The following MTUS2 variants were observed in gnomAD, a reference collection of about 807,000 sequenced individuals.
The protein encoded by MTUS2 is microtubule associated scaffold protein 2.
MTUS2 carries 40 observed loss-of-function variants against 114.1 expected under a neutral mutation model. That is an observed-to-expected ratio of 0.35 (90% CI 0.27 to 0.46). MTUS2 has a LOEUF of 0.46. MTUS2 is among the 20% of genes least tolerant of loss of function. The probability of loss-of-function intolerance (pLI) is 1.00; values close to 1 mark genes in which losing one functional copy is unlikely to be tolerated. For missense variants in MTUS2, 1,679 were observed against 1,705.4 expected (o/e 0.98, Z 0.27); for synonymous variants, 688 against 672.0 (o/e 1.02, Z -0.37).
chr13:29,442,547 G>C (rs551297480), intron 9 of MTUS2, among the ~76,000 whole-genome samples: 1 of 152,252 alleles, frequency 6.6e-6, no homozygotes, highest in South Asian at 2.1e-4. Flanking sequence ...CAAAACCTCA[G>C]CTTTGCAAAG....
intron 9 of MTUS2, among the ~76,000 whole-genome samples, chr13:29,475,350 T>C (rs1020410885): frequency 2.0e-5 from 3 of 152,214 alleles, no homozygotes; most frequent in African/African-American, 7.2e-5. Flanking sequence ...ATAAATGACT[T>C]TGTTACTGGT....
chr13:29,428,134 G>T (rs1461904229), intron 8 of MTUS2, among the ~76,000 whole-genome samples: 1 of 152,190 alleles, frequency 6.6e-6, no homozygotes, highest in African/African-American at 2.4e-5. Flanking sequence ...TAAATATGAA[G>T]ATTTCATCAA....
At chr13:29,250,213 A>G (rs1897074856) in intron 5 of MTUS2, among the ~76,000 whole-genome samples, 1 of 152,118 alleles carries the variant, frequency 6.6e-6, no homozygotes, top group East Asian at 1.9e-4. Flanking sequence ...TCAAGTTGAA[A>G]TATTTTGATT....
At chr13:29,040,143 C>G (rs1220399264) in intron 4 of MTUS2, among the ~76,000 whole-genome samples, 1 of 152,178 alleles carries the variant, frequency 6.6e-6, no homozygotes, top group African/African-American at 2.4e-5. Context: ...CCCAAGTCCC[C>G]AAAGTCCATT....
intron 4 of MTUS2, among the ~76,000 whole-genome samples, chr13:29,075,296 C>T (rs530383142): frequency 9.4e-5 from 11 of 116,560 alleles, no homozygotes; most frequent in Admixed American, 3.5e-4. Context: ...CACGTTGGTA[C>T]GGCTAAGTTG....
At chr13:29,087,628 G>A (rs1339309932) in intron 4 of MTUS2, among the ~76,000 whole-genome samples, 1 of 152,166 alleles carries the variant, frequency 6.6e-6, no homozygotes, top group Admixed American at 6.5e-5. Context: ...CTAATTCTGT[G>A]AAAAATGGCA....
At chr13:28,955,085 T>C (rs1295671666) in intron 2 of MTUS2, among the ~76,000 whole-genome samples, 1 of 152,176 alleles carries the variant, frequency 6.6e-6, no homozygotes. Context: ...TTATGTTTAT[T>C]GGCAGAGCTG....
rs182332965 is a variant in MTUS2 at position 29,040,305 on chromosome 13, T to C, written c.2446+6180T>C. 1.1e-3 allele frequency among the ~76,000 whole-genome samples: 173 copies of C among 152,384 alleles called. 1 individual carries two copies. The highest frequency in any genetic ancestry group is 3.8e-3 in the African/African-American group (156 of 41,594). ...GCTGCGAATGCCATTATTTCATTCC[T>C]TTTTAAGGCTCATTAGTATTTCATA... On this transcript the variant is annotated intron_variant, in intron 4 of 15. Transcript: ENST00000612955.
At chr13:29,433,170 T>C (rs1043365255) in intron 8 of MTUS2, among the ~76,000 whole-genome samples, 1 of 152,226 alleles carries the variant, frequency 6.6e-6, no homozygotes, top group African/African-American at 2.4e-5. Flanking sequence ...TGATGTGATA[T>C]TCCCTTATTA....
At chr13:29,010,952 C>T (rs543782418) in intron 2 of MTUS2, among the ~76,000 whole-genome samples, 3 of 152,198 alleles carry the variant, frequency 2.0e-5, no homozygotes, top group Non-Finnish European at 4.4e-5. Context: ...CAGGAGCCTC[C>T]CTGGAAGCTG....
At position 29,340,216 on chromosome 13, in the gene MTUS2, C is replaced by A. The variant is rs1419189851; in HGVS notation, c.2905+15505C>A. Among the ~76,000 whole-genome samples the A allele has an allele frequency of 2.0e-5, 3 of 152,302 alleles. No homozygotes were observed. In the East Asian group the frequency reaches 5.8e-4, roughly 29 times the overall value. ...GGGGACGAGGGAAGCTCAAGCCTCCCTCCTTCCCACTGATGGTCCCAGTCA... is the reference window on the plus strand; with the variant it reads ...GGGGACGAGGGAAGCTCAAGCCTCCATCCTTCCCACTGATGGTCCCAGTCA... On this transcript the variant is annotated intron_variant, in intron 7 of 15. Coordinates refer to ENST00000612955, the MANE Select transcript of MTUS2 (RefSeq NM_001033602.4).
intron 2 of MTUS2, among the ~76,000 whole-genome samples, chr13:28,985,569 T>C (rs1288250964): frequency 6.6e-6 from 1 of 152,158 alleles, no homozygotes; most frequent in East Asian, 1.9e-4. Flanking sequence ...TCTTTTTTTT[T>C]TTTTTTTAAA....
intron 2 of MTUS2, among the ~76,000 whole-genome samples, chr13:28,855,594 G>A (rs780774975): frequency 2.6e-5 from 4 of 152,148 alleles, no homozygotes; most frequent in Non-Finnish European, 5.9e-5. Context: ...TCCCTGCAAA[G>A]GACATGATCT....
At chr13:28,998,373 A>T (rs1449721853) in intron 2 of MTUS2, among the ~76,000 whole-genome samples, 1 of 152,036 alleles carries the variant, frequency 6.6e-6, no homozygotes, top group East Asian at 1.9e-4. Context: ...TGTGCCTTGG[A>T]GTTGCTCTTC....
rs1272724442 is a variant in MTUS2 at position 29,503,259 on chromosome 13, C to T, written c.*53C>T. The T allele has an allele frequency of 3.8e-6, 6 of 1,596,878 alleles. No homozygotes were observed. The highest frequency in any genetic ancestry group is 4.5e-5 in the East Asian group (2 of 44,596). On this transcript the variant is annotated 3_prime_UTR_variant, in exon 16 of 16. Transcript: ENST00000612955. ...GGCTTCTCGTCCTCCGGTCTCCACC[C>T]TGAGGGAGCACCGACCCGGTGCCGC...
At chr13:28,980,176 T>C (rs113535165) in intron 2 of MTUS2, among the ~76,000 whole-genome samples, 1,888 of 152,362 alleles carry the variant, frequency 0.012, 34 homozygotes, top group African/African-American at 0.043. Context: ...ATTTTGTGAA[T>C]ATCGAAAATA....
At position 29,148,547 on chromosome 13, in the gene MTUS2, C is replaced by T. The variant is rs1373163115; in HGVS notation, c.2644+47577C>T. On this transcript the variant is annotated intron_variant, in intron 5 of 15. Coordinates refer to ENST00000612955, the MANE Select transcript of MTUS2 (RefSeq NM_001033602.4). ...AGGCTGGAGTGCAGTGGTGGGACCT[C>T]GGCTCACTGCAAGCTCCGCCTCCCG... 2.7e-5 allele frequency among the ~76,000 whole-genome samples: 3 copies of T among 109,850 alleles called. 1 individual carries two copies. The highest frequency in any genetic ancestry group is 6.2e-5 in the Non-Finnish European group (3 of 48,300). The allele number at this position is 109,850 out of a possible 152,430, so 72.1% of individuals were successfully genotyped here.
chr13:29,438,979 A>C (rs1444372732), intron 8 of MTUS2, among the ~76,000 whole-genome samples: 1 of 152,182 alleles, frequency 6.6e-6, no homozygotes, highest in Non-Finnish European at 1.5e-5. Flanking sequence ...CACGTCCTTC[A>C]GAGGTGCTGA....
At chr13:28,939,122 A>G (rs910905482) in intron 2 of MTUS2, among the ~76,000 whole-genome samples, 3 of 152,176 alleles carry the variant, frequency 2.0e-5, no homozygotes, top group Admixed American at 2.0e-4. Flanking sequence ...CAAACTTTAC[A>G]ATGTTTCGCT....
Sources: gnomAD v4.1 joint callset for allele counts (sites outside exome capture counted in the v4.1 genomes callset) on GRCh38, gnomAD v4.1.1 for gene constraint, MANE v1.5 for transcripts, NCBI Gene and HGNC (gene_info 2026-07-23, HGNC 2026-07-21) for gene names.